Variants in SLC37A1 observed in about 807,000 individuals in gnomAD.
SLC37A1 encodes glucose-6-phosphate exchanger SLC37A1.
A neutral mutation model predicts 75.3 loss-of-function variants in SLC37A1; 49 were observed. The observed-to-expected ratio is 0.65, with a 90% confidence interval of 0.52 to 0.83. The LOEUF (loss-of-function observed/expected upper bound fraction) is 0.83. SLC37A1 is among the 40% of genes least tolerant of loss of function. The pLI, the probability that SLC37A1 is intolerant of heterozygous loss-of-function variation, is 0.00. For missense variants in SLC37A1, 566 were observed against 695.0 expected, an observed-to-expected ratio of 0.81 and a Z score of 2.09; for synonymous variants, 268 against 292.1, an observed-to-expected ratio of 0.92 and a Z score of 0.84.
intron 5 of SLC37A1, among the ~76,000 whole-genome samples, chr21:42,537,905 C>G (rs117571280): frequency 0.059 from 8,952 of 152,156 alleles, 368 homozygotes; most frequent in Middle Eastern, 0.11. Context: ...CTGTTTTGTT[C>G]GCTATGTCAG....
rs2055374795 is a variant in SLC37A1, at chr21:42,545,114, G to C, written c.730+1512G>C. On this transcript the variant is annotated intron_variant, in intron 8 of 19. Coordinates refer to ENST00000352133, the MANE Select transcript of SLC37A1 (RefSeq NM_001320537.2). This position sits in a 1 kb window ranked among gnomAD's most constrained non-coding sequence, Gnocchi z 4.0. Reference sequence around the variant, plus strand: ...TCAGCTCTTGTGAATAAGCCTCCCTGATCCAATTTGGGCAGATAGCAATGA... The same window carrying C: ...TCAGCTCTTGTGAATAAGCCTCCCTCATCCAATTTGGGCAGATAGCAATGA... Among the ~76,000 whole-genome samples, 1 of 152,200 alleles carries C rather than the reference G, an allele frequency of 6.6e-6. No individual in the cohort carries two copies. Among genetic ancestry groups the C allele is most frequent in the Non-Finnish European group, 1.5e-5 (1 of 68,044 alleles).
rs398036474 is a variant in SLC37A1 at position 42,508,122 on chromosome 21, C to CTTTT, written c.-179+5726_-179+5729dup. Among the ~76,000 whole-genome samples the CTTTT allele has an allele frequency of 1.9e-3, 156 of 80,928 alleles. 3 individuals are homozygous for CTTTT. The highest frequency in any genetic ancestry group is 9.5e-3 in the South Asian group (21 of 2,216). 53.1% of individuals were successfully genotyped at this position (80,928 alleles called of 152,430 possible). A position where few individuals can be genotyped will look rare whatever the true frequency, so the allele number is the denominator to read the frequency against. On this transcript the variant is annotated intron_variant, in intron 2 of 20. Transcript: ENST00000398341. ...CTATAACTGGACTGAAGAGTACGCT[C>CTTTT]TTTTTTTTTTTTTTTTTTTTTTTTG... is the stretch of plus-strand genomic sequence containing the variant.
intron 18 of SLC37A1, among the ~76,000 whole-genome samples, chr21:42,577,021 G>GACAA (rs1207790509): frequency 6.6e-6 from 1 of 152,186 alleles, no homozygotes; most frequent in Non-Finnish European, 1.5e-5. Flanking sequence ...ATACATGAAA[G>GACAA]ACAAACATTC....
chr21:42,577,342 T>TA (rs998180988), intron 18 of SLC37A1, among the ~76,000 whole-genome samples: 9 of 152,252 alleles, frequency 5.9e-5, no homozygotes, highest in Admixed American at 6.5e-5. Context: ...AATATGTCTT[T>TA]AAAAAATCAA....
intron 18 of SLC37A1, among the ~76,000 whole-genome samples, chr21:42,579,480 C>T (rs2056371304): frequency 3.0e-5 from 1 of 33,864 alleles, no homozygotes; most frequent in Admixed American, 5.2e-4. Flanking sequence ...GCCTTGTTTT[C>T]AGGGCAGCTC....
chr21:42,526,013 G>T (rs2146760439), intron 3 of SLC37A1, 156 bp downstream of exon 3: 4 of 549,424 alleles, frequency 7.3e-6, no homozygotes, highest in East Asian at 2.9e-5. Context: ...GTTTCCCTTT[G>T]CTAAAATTAA....
chr21:42,573,497 G>A (rs1291102328), intron 17 of SLC37A1, among the ~76,000 whole-genome samples: 1 of 152,106 alleles, frequency 6.6e-6, no homozygotes, highest in Non-Finnish European at 1.5e-5. Context: ...GTGCCCTTCG[G>A]TGGGAGGATT....
chr21:42,525,239 AC>A (rs1263317754), intron 2 of SLC37A1, among the ~76,000 whole-genome samples: 1 of 152,220 alleles, frequency 6.6e-6, no homozygotes, highest in Non-Finnish European at 1.5e-5. Context: ...CCTGAGTTCT[AC>A]GAGCTGCTCT....
At chr21:42,527,624 T>A (rs1236084531) in intron 3 of SLC37A1, among the ~76,000 whole-genome samples, 1 of 152,136 alleles carries the variant, frequency 6.6e-6, no homozygotes, top group African/African-American at 2.4e-5. Flanking sequence ...GGGTCTTCGT[T>A]CCCCAGGCAG....
intron 1 of SLC37A1, among the ~76,000 whole-genome samples, chr21:42,500,923 G>A (rs1023854111): frequency 7.9e-5 from 12 of 152,256 alleles, no homozygotes; most frequent in African/African-American, 2.7e-4. Context: ...TAGGTCAATG[G>A]AAGGCTATTG....
At position 42,530,595 on chromosome 21, in the gene SLC37A1, TACACACACACACACACACACACAC is replaced by T. The variant is rs71190427; in HGVS notation, c.139-4066_139-4043del. On this transcript the variant is annotated intron_variant, in intron 3 of 19. Transcript: ENST00000352133. ...TAGACAGATCGTCAAATGCAGATGA[TACACACACACACACACACACACAC>T]ACACACACACACACACACACACACA... is the stretch of plus-strand genomic sequence containing the variant. 8.6e-3 allele frequency among the ~76,000 whole-genome samples: 890 copies of T among 103,224 alleles called. 21 individuals carry two copies. Among genetic ancestry groups the T allele is most frequent in the African/African-American group, 0.025 (727 of 29,402 alleles). 67.7% of individuals were successfully genotyped at this position (103,224 alleles called of 152,430 possible). A position where few individuals can be genotyped will look rare whatever the true frequency, so the allele number is the denominator to read the frequency against.
intron 5 of SLC37A1, among the ~76,000 whole-genome samples, chr21:42,536,490 A>G (rs1299566755): frequency 6.6e-6 from 1 of 152,182 alleles, no homozygotes; most frequent in African/African-American, 2.4e-5. Flanking sequence ...TTTTAAAGGC[A>G]GTATAGGGAT....
intron 11 of SLC37A1, among the ~76,000 whole-genome samples, chr21:42,559,801 G>T (rs190861849): frequency 1.3e-5 from 2 of 151,902 alleles, no homozygotes; most frequent in Non-Finnish European, 2.9e-5. Context: ...GCTTGAACCC[G>T]GGAGGCAGAA....
intron 16 of SLC37A1, among the ~76,000 whole-genome samples, chr21:42,567,804 A>G (rs1436193905): frequency 6.6e-6 from 1 of 151,784 alleles, no homozygotes; most frequent in South Asian, 2.1e-4. Flanking sequence ...TCTATGCAAC[A>G]TTTTCAAAAC....
chr21:42,575,177 C>G lies in SLC37A1; in HGVS notation c.1521+262C>G, dbSNP rs796695752. On this transcript the variant is annotated intron_variant, in intron 18 of 19. Coordinates refer to ENST00000352133, the MANE Select transcript of SLC37A1 (RefSeq NM_001320537.2). ...AGCGTGGAGCTCCGTGGCTCTAGAT[C>G]CTGCCTGTCACCTGTCATGTGTGTG... is the stretch of plus-strand genomic sequence containing the variant. 3.0e-6 allele frequency: 3 copies of G among 984,638 alleles called. No individual in the cohort carries two copies. The African/African-American group carries it at 5.2e-5, about 17-fold the overall frequency. 61.0% of individuals were successfully genotyped at this position (984,638 alleles called of 1,614,324 possible).
At chr21:42,574,034 CATGCACACACACATAT>C (rs994385530) in intron 17 of SLC37A1, among the ~76,000 whole-genome samples, 10 of 152,226 alleles carry the variant, frequency 6.6e-5, no homozygotes, top group South Asian at 2.1e-4. Flanking sequence ...TACACACACA[CATGCACACACACATAT>C]ATGCACACAC....
At chr21:42,562,684 C>T (rs926807036) in intron 12 of SLC37A1, among the ~76,000 whole-genome samples, 9 of 146,762 alleles carry the variant, frequency 6.1e-5, no homozygotes, top group Admixed American at 3.4e-4. Context: ...ATGCCCCCCC[C>T]ATGTCATGTG....
intron 1 of SLC37A1, chr21:42,499,764 CCTT>C (rs1228369855): frequency 1.3e-5 from 2 of 152,288 alleles, no homozygotes; most frequent in Non-Finnish European, 2.9e-5. Context: ...ATCTTCTTGT[CCTT>C]CTTAAGTATA....
chr21:42,509,573 G>T (rs1410476150), upstream of SLC37A1: 1 of 152,202 alleles, frequency 6.6e-6, no homozygotes, highest in Non-Finnish European at 1.5e-5. The surrounding 1 kb of genome is among the most constrained non-coding windows in gnomAD (Gnocchi z 4.2). Context: ...GCTGGATTGG[G>T]TTATAGTTCT....
Sources: allele counts gnomAD v4.1 joint callset (sites outside exome capture counted in the v4.1 genomes callset), GRCh38; gene constraint gnomAD v4.1.1; non-coding constraint Gnocchi (gnomAD v3.1); transcripts MANE v1.5; gene names NCBI Gene and HGNC (gene_info 2026-07-23, HGNC 2026-07-21).